NKAIN2: variants seen among roughly 807,000 people sequenced by gnomAD.
NKAIN2 encodes sodium/potassium transporting ATPase interacting 2, also known as sodium/potassium-transporting ATPase subunit beta-1-interacting protein 2.
In NKAIN2, 14 loss-of-function variants were observed where a neutral mutation model predicts 32.6. That is an observed-to-expected ratio of 0.43 (90% CI 0.28 to 0.67). NKAIN2 has a LOEUF of 0.67. Among genes scored for constraint, NKAIN2 ranks in the 30% least tolerant of loss-of-function variants. The probability of loss-of-function intolerance (pLI) is 0.17; values close to 1 mark genes in which losing one functional copy is unlikely to be tolerated. For synonymous variants in NKAIN2, 80 were observed against 87.2 expected (o/e 0.92, Z 0.46); for missense variants, 198 against 258.3 (o/e 0.77, Z 1.60).
intron 1 of NKAIN2, among the ~76,000 whole-genome samples, chr6:124,007,758 A>T (rs1780137160): frequency 6.6e-6 from 1 of 152,156 alleles, no homozygotes; most frequent in Admixed American, 6.6e-5. Context: ...ATAAAATATG[A>T]TACTTTGCAT....
At chr6:124,165,536 T>C (rs1788488570) in intron 1 of NKAIN2, among the ~76,000 whole-genome samples, 1 of 152,120 alleles carries the variant, frequency 6.6e-6, no homozygotes, top group African/African-American at 2.4e-5. Context: ...ATTATTATAC[T>C]TTAAGTTTTA....
chr6:124,614,011 G>C (rs1377575525), intron 3 of NKAIN2, among the ~76,000 whole-genome samples: 1 of 152,156 alleles, frequency 6.6e-6, no homozygotes, highest in Non-Finnish European at 1.5e-5. Context: ...ATTTCAGCCT[G>C]AGTACCTTAA....
intron 3 of NKAIN2, among the ~76,000 whole-genome samples, chr6:124,551,065 T>C (rs901258247): frequency 7.2e-5 from 11 of 152,292 alleles, no homozygotes; most frequent in South Asian, 2.1e-4. Flanking sequence ...GGTGCAGATG[T>C]GGAGTAGGCA....
intron 3 of NKAIN2, among the ~76,000 whole-genome samples, chr6:124,533,520 G>A (rs997553538): frequency 1.4e-5 from 2 of 146,858 alleles, no homozygotes; most frequent in Non-Finnish European, 3.0e-5. Flanking sequence ...CTTCCTTGGG[G>A]CAGGGGAGAT....
At chr6:124,474,837 C>T (rs1204540854) in intron 3 of NKAIN2, among the ~76,000 whole-genome samples, 1 of 143,490 alleles carries the variant, frequency 7.0e-6, no homozygotes, top group African/African-American at 2.6e-5. Flanking sequence ...ATTTTACATA[C>T]ATATATAATA....
intron 2 of NKAIN2, among the ~76,000 whole-genome samples, chr6:124,350,244 C>T (rs948204178): frequency 6.6e-6 from 1 of 152,108 alleles, no homozygotes; most frequent in Non-Finnish European, 1.5e-5. Flanking sequence ...TTGTACTGAT[C>T]TTTATACTCT....
intron 1 of NKAIN2, among the ~76,000 whole-genome samples, chr6:124,049,064 AT>A (rs537132677): frequency 2.6e-5 from 4 of 152,068 alleles, no homozygotes; most frequent in Non-Finnish European, 5.9e-5. Context: ...TCAGTTTATT[AT>A]AGTCAACATT....
At chr6:124,281,455 T>C (rs921050032) in intron 1 of NKAIN2, among the ~76,000 whole-genome samples, 1 of 152,230 alleles carries the variant, frequency 6.6e-6, no homozygotes, top group African/African-American at 2.4e-5. Context: ...AATTCAGGTT[T>C]ATAAAGCTTA....
chr6:123,924,301 C>T (rs990364827), intron 1 of NKAIN2, among the ~76,000 whole-genome samples: 24 of 152,226 alleles, frequency 1.6e-4, no homozygotes, highest in Middle Eastern at 6.8e-3. Flanking sequence ...TTCCACAGTT[C>T]GCTGGTATAA....
At chr6:124,731,890 A>T (rs1029516353) in intron 4 of NKAIN2, among the ~76,000 whole-genome samples, 1 of 152,136 alleles carries the variant, frequency 6.6e-6, no homozygotes, top group African/African-American at 2.4e-5. Context: ...TAGTGTCTAC[A>T]TAACAGTATC....
chr6:124,735,333 G>C (rs1195144553), intron 4 of NKAIN2, among the ~76,000 whole-genome samples: 1 of 151,860 alleles, frequency 6.6e-6, no homozygotes, highest in Non-Finnish European at 1.5e-5. Context: ...CTATAAAGTA[G>C]AGATAATCAT....
At chr6:124,352,984 G>A (rs1798798223) in intron 2 of NKAIN2, among the ~76,000 whole-genome samples, 1 of 152,144 alleles carries the variant, frequency 6.6e-6, no homozygotes, top group Non-Finnish European at 1.5e-5. Context: ...TTAGAAAACA[G>A]TTTTGAGTTA....
intron 1 of NKAIN2, among the ~76,000 whole-genome samples, chr6:123,840,821 A>T (rs1433995815): frequency 6.6e-6 from 1 of 152,090 alleles, no homozygotes; most frequent in South Asian, 2.1e-4. Context: ...ATTACACTTG[A>T]TATTTTTATA....
At chr6:124,687,736 TGA>T (rs1774042708) in intron 4 of NKAIN2, among the ~76,000 whole-genome samples, 2 of 38,070 alleles carry the variant, frequency 5.3e-5, no homozygotes, top group Admixed American at 4.0e-4. Flanking sequence ...TAAATATATA[TGA>T]TATATACACA....
intron 1 of NKAIN2, among the ~76,000 whole-genome samples, chr6:123,862,557 C>T (rs980817488): frequency 5.9e-5 from 9 of 152,154 alleles, no homozygotes; most frequent in African/African-American, 9.7e-5. Context: ...TTAGCATCCC[C>T]GGCCAACTAC....
intron 4 of NKAIN2, among the ~76,000 whole-genome samples, chr6:124,697,200 CCAAAA>C (rs1774538565): frequency 6.6e-6 from 1 of 151,976 alleles, no homozygotes; most frequent in African/African-American, 2.4e-5. Context: ...CTTAAAATTC[CCAAAA>C]CAAATCAACT....
chr6:124,670,643 TTCTGTGTGTGTG>T (rs1773051859), intron 4 of NKAIN2, among the ~76,000 whole-genome samples: 1 of 102,268 alleles, frequency 9.8e-6, no homozygotes, highest in East Asian at 2.5e-4. Context: ...AATCTTTGCT[TTCTGTGTGTGTG>T]TGTGTGTGTG....
At chr6:124,584,844 A>ACTC (rs35318337) in intron 3 of NKAIN2, among the ~76,000 whole-genome samples, 26,139 of 151,942 alleles carry the variant, frequency 0.17, 2,338 homozygotes, top group Middle Eastern at 0.24. Flanking sequence ...GAACCCTCAT[A>ACTC]CTCTATTGTT....
chr6:124,797,340 G>A (rs1462099620), intron 5 of NKAIN2, among the ~76,000 whole-genome samples: 2 of 152,112 alleles, frequency 1.3e-5, no homozygotes, highest in African/African-American at 4.8e-5. Flanking sequence ...TGCTAAAAGA[G>A]ATTCAATGTA....
Sources: allele counts gnomAD v4.1 joint callset (sites outside exome capture counted in the v4.1 genomes callset), GRCh38; gene constraint gnomAD v4.1.1; transcripts MANE v1.5; gene names NCBI Gene and HGNC (gene_info 2026-07-23, HGNC 2026-07-21).